Variants in TANC2 observed in about 807,000 individuals in gnomAD.
TANC2 encodes the protein tetratricopeptide repeat, ankyrin repeat and coiled-coil containing 2, also known as protein TANC2.
TANC2 carries 26 observed loss-of-function variants against 210.5 expected under a neutral mutation model. The ratio of observed to expected loss-of-function variants is 0.12; its 90% CI spans 0.09 to 0.17. The LOEUF (loss-of-function observed/expected upper bound fraction) is 0.17. Ranked by LOEUF, TANC2 falls within the 10% of genes least tolerant of loss-of-function variation. The pLI is 1.00. For synonymous variants in TANC2, 931 were observed against 967.1 expected (o/e 0.96, Z 0.69); for missense variants, 2,129 against 2,608.9 (o/e 0.82, Z 4.01).
chr17:63,277,838 T>C (rs918308605), intron 9 of TANC2, among the ~76,000 whole-genome samples: 1 of 151,510 alleles, frequency 6.6e-6, no homozygotes, highest in African/African-American at 2.4e-5. Context: ...CTATGCCAGA[T>C]GAGTCATCAG....
chr17:63,356,975 A>G (rs1187354377), intron 14 of TANC2, among the ~76,000 whole-genome samples: 1 of 152,200 alleles, frequency 6.6e-6, no homozygotes, highest in Non-Finnish European at 1.5e-5. Context: ...AGCGACAGCC[A>G]TCTTCTGCTG....
intron 2 of TANC2, among the ~76,000 whole-genome samples, chr17:63,035,121 A>G (rs1421974391): frequency 6.6e-6 from 1 of 152,194 alleles, no homozygotes; most frequent in East Asian, 1.9e-4. Context: ...AAATTGTCAC[A>G]GCCACACCAA....
At chr17:63,139,290 C>T (rs974580664) in intron 4 of TANC2, among the ~76,000 whole-genome samples, 5 of 152,092 alleles carry the variant, frequency 3.3e-5, no homozygotes, top group African/African-American at 1.2e-4. Flanking sequence ...TAACTCAACA[C>T]AAACTAGACA....
chr17:63,398,595 A>G (rs775358321), intron 18 of TANC2, among the ~76,000 whole-genome samples: 4 of 152,234 alleles, frequency 2.6e-5, no homozygotes, highest in African/African-American at 7.2e-5. Context: ...CACATGCTAT[A>G]TAAGTGAATT....
At chr17:63,321,569 T>C (rs1202627624) in intron 11 of TANC2, among the ~76,000 whole-genome samples, 1 of 152,216 alleles carries the variant, frequency 6.6e-6, no homozygotes, top group East Asian at 1.9e-4. Context: ...TAAGTTTTTT[T>C]CCTGGGCTGT....
chr17:63,082,757 C>T (rs573300337), intron 3 of TANC2, among the ~76,000 whole-genome samples: 6 of 152,172 alleles, frequency 3.9e-5, no homozygotes, highest in African/African-American at 1.4e-4. Flanking sequence ...AAACTCCATC[C>T]CTTTGTTAAT....
Position 63,420,244 on chromosome 17 carries a change from A to C in TANC2, c.4514A>C (p.Glu1505Ala). The C allele has an allele frequency of 6.2e-7, 1 of 1,613,510 alleles. No homozygotes were observed. Among genetic ancestry groups the C allele is most frequent in the Non-Finnish European group, 8.5e-7 (1 of 1,179,700 alleles). Reference sequence around the variant, plus strand: ...GAGGAGTACCTGGAACAGGATGTTGAAAATGTTTCCATTGGCCTCCAGACA... The same window carrying C: ...GAGGAGTACCTGGAACAGGATGTTGCAAATGTTTCCATTGGCCTCCAGACA... Residue 1505 changes from glutamate to alanine, a missense_variant, in exon 28 of 28, where the codon GAA becomes GCA. Glu to Ala is a moderately radical substitution (Grantham distance 107). Around this residue, in one of 5 missense-constraint regions of TANC2, gnomAD observed 584 missense variants for 627.3 expected, o/e 0.93. Coordinates refer to ENST00000689528, the Ensembl canonical transcript of TANC2. This position sits in a 1 kb window ranked among gnomAD's most constrained non-coding sequence, Gnocchi z 4.2.
At chr17:63,127,646 T>A (rs1161598699) in intron 4 of TANC2, among the ~76,000 whole-genome samples, 1 of 152,238 alleles carries the variant, frequency 6.6e-6, no homozygotes, top group African/African-American at 2.4e-5. Flanking sequence ...TGGCTCTCAT[T>A]AGTCACCATA....
At chr17:63,236,453 G>A (rs901771976) in intron 7 of TANC2, among the ~76,000 whole-genome samples, 18 of 152,142 alleles carry the variant, frequency 1.2e-4, no homozygotes, top group African/African-American at 2.6e-4. Flanking sequence ...ATGAATTTAC[G>A]TAATCATAAA....
intron 6 of TANC2, among the ~76,000 whole-genome samples, chr17:63,200,355 C>CAAAA (rs10598629): frequency 9.6e-5 from 9 of 93,742 alleles, no homozygotes; most frequent in Middle Eastern, 4.9e-3. Context: ...AACTCTGTCT[C>CAAAA]AAAAAAAAAA....
chr17:63,170,185 T>G (rs2145563913), intron 5 of TANC2, among the ~76,000 whole-genome samples: 1 of 151,282 alleles, frequency 6.6e-6, no homozygotes, highest in East Asian at 2.0e-4. Flanking sequence ...CCCAGCACTT[T>G]GGGAGGCCGA....
At chr17:63,194,047 C>G in exon 6 of TANC2, 1 of 1,613,272 alleles carries the variant, frequency 6.2e-7, no homozygotes, top group African/African-American at 1.3e-5. Flanking sequence ...AGCAAACACA[C>G]TCATGACTCG....
chr17:63,367,758 T>C (rs913483723), intron 14 of TANC2, among the ~76,000 whole-genome samples: 1 of 152,138 alleles, frequency 6.6e-6, no homozygotes, highest in Non-Finnish European at 1.5e-5. Context: ...TGGGGAACTG[T>C]GAGCAGCTAT....
intron 2 of TANC2, among the ~76,000 whole-genome samples, chr17:63,052,480 T>C (rs2035616940): frequency 6.6e-6 from 1 of 152,198 alleles, no homozygotes; most frequent in African/African-American, 2.4e-5. Context: ...TTTTTGAATG[T>C]CATTGAGTAG....
intron 11 of TANC2, among the ~76,000 whole-genome samples, chr17:63,321,635 G>C (rs1470818723): frequency 3.3e-5 from 5 of 152,088 alleles, no homozygotes; most frequent in Non-Finnish European, 5.9e-5. Context: ...ATATGTCTTG[G>C]GTGCCAGCAT....
At chr17:63,356,078 C>T (rs991886422) in intron 14 of TANC2, among the ~76,000 whole-genome samples, 1 of 152,034 alleles carries the variant, frequency 6.6e-6, no homozygotes, top group African/African-American at 2.4e-5. Context: ...CATGATATAT[C>T]CCACCACTCC....
intron 1 of TANC2, among the ~76,000 whole-genome samples, chr17:62,997,080 G>GCT (rs2033153500): frequency 1.4e-5 from 2 of 147,758 alleles, no homozygotes; most frequent in African/African-American, 5.0e-5. Context: ...CTCCCAAAGT[G>GCT]CTGGGATTAC....
chr17:63,012,744 T>C (rs774587654), intron 2 of TANC2, among the ~76,000 whole-genome samples: 9 of 152,178 alleles, frequency 5.9e-5, no homozygotes, highest in Non-Finnish European at 1.3e-4. Flanking sequence ...CTCAAACTTC[T>C]AGGCCCAAAC....
intron 8 of TANC2, among the ~76,000 whole-genome samples, chr17:63,253,619 T>C (rs2043111058): frequency 6.6e-6 from 1 of 152,130 alleles, no homozygotes; most frequent in African/African-American, 2.4e-5. Context: ...ATTTTTGGTT[T>C]TGGGTTTTTT....
Sources: gnomAD v4.1 joint callset for allele counts (sites outside exome capture counted in the v4.1 genomes callset) on GRCh38, gnomAD v4.1.1 for gene constraint, gnomAD v4.1.1 regional missense constraint, Gnocchi (gnomAD v3.1) non-coding constraint, MANE v1.5 for transcripts, NCBI Gene and HGNC (gene_info 2026-07-23, HGNC 2026-07-21) for gene names.